Variants in DCC observed in about 807,000 individuals in gnomAD.
DCC encodes DCC netrin 1 receptor.
A neutral mutation model predicts 172.5 loss-of-function variants in DCC; 58 were observed. The observed-to-expected ratio is 0.34, with a 90% CI of 0.27 to 0.42. The LOEUF (loss-of-function observed/expected upper bound fraction) is 0.42. Among genes scored for constraint, DCC ranks in the 10% least tolerant of loss-of-function variants. The pLI is 1.00. For synonymous variants in DCC, 709 were observed against 644.5 expected (o/e 1.10, Z -1.52); for missense variants, 1,740 against 1,791.0 (o/e 0.97, Z 0.51).
At chr18:53,126,371 A>G (rs2043557352) in intron 7 of DCC, among the ~76,000 whole-genome samples, 1 of 152,150 alleles carries the variant, frequency 6.6e-6, no homozygotes, top group African/African-American at 2.4e-5. Flanking sequence ...CTGGAGTGAG[A>G]TAGTCCACAG....
rs960367495 is a variant in DCC, at chr18:53,531,632, T to C, written c.*979T>C. On this transcript the variant is annotated 3_prime_UTR_variant, in exon 29 of 29. Transcript: ENST00000442544. ...GAAATGGCCAGCTCCACATGTCATA[T>C]GGTGCACTGGCCAATGTCGCCTGTC... is the stretch of plus-strand genomic sequence containing the variant. 4 of 152,240 alleles carry C rather than the reference T, an allele frequency of 2.6e-5. No individual in the cohort carries two copies. Among genetic ancestry groups the C allele is most frequent in the African/African-American group, 9.7e-5 (4 of 41,446 alleles). 9.4% of individuals were successfully genotyped at this position (152,240 alleles called of 1,614,324 possible). A position where few individuals can be genotyped will look rare whatever the true frequency, so the allele number is the denominator to read the frequency against.
intron 2 of DCC, among the ~76,000 whole-genome samples, chr18:52,767,907 T>A (rs2037280172): frequency 6.6e-6 from 1 of 152,208 alleles, no homozygotes; most frequent in African/African-American, 2.4e-5. Flanking sequence ...CCAGTAAGCA[T>A]GTTAGCACTT....
intron 15 of DCC, among the ~76,000 whole-genome samples, chr18:53,368,326 T>C (rs1390391688): frequency 6.6e-6 from 1 of 152,168 alleles, no homozygotes; most frequent in Non-Finnish European, 1.5e-5. Context: ...CTATGTATTG[T>C]GCATATTAAT....
At chr18:53,190,863 G>A (rs1436506457) in intron 9 of DCC, among the ~76,000 whole-genome samples, 18 of 152,100 alleles carry the variant, frequency 1.2e-4, no homozygotes, top group African/African-American at 2.9e-4. Flanking sequence ...GGAGAATGGC[G>A]TGAACCTGGG....
intron 5 of DCC, among the ~76,000 whole-genome samples, chr18:52,998,248 T>C (rs1014451329): frequency 6.6e-6 from 1 of 152,052 alleles, no homozygotes; most frequent in African/African-American, 2.4e-5. Context: ...AATTGTGCTA[T>C]AGTGAGATCC....
intron 15 of DCC, among the ~76,000 whole-genome samples, chr18:53,348,102 T>C (rs1369357399): frequency 6.6e-6 from 1 of 152,094 alleles, no homozygotes; most frequent in Non-Finnish European, 1.5e-5. Flanking sequence ...AACTCAAAAG[T>C]CCACAGTCCA....
At chr18:53,043,361 T>C (rs1160442777) in intron 5 of DCC, among the ~76,000 whole-genome samples, 2 of 151,856 alleles carry the variant, frequency 1.3e-5, no homozygotes, top group East Asian at 3.9e-4. Context: ...ATACCTAATG[T>C]AGATGACATG....
At position 52,659,990 on chromosome 18, in the gene DCC, A is replaced by G. The variant is rs578183029; in HGVS notation, c.92-92064A>G. Among the ~76,000 whole-genome samples the G allele has an allele frequency of 6.9e-4, 105 of 152,264 alleles. 1 individual carries two copies. In the Middle Eastern group the frequency reaches 0.024, roughly 35 times the overall value. On this transcript the variant is annotated intron_variant, in intron 1 of 28. Transcript: ENST00000442544. Reference sequence around the variant, plus strand: ...TTAAGTGATTTACCTGAATCTAACCATTTCAGATTTTATGAGAGCTTGAAA... The same window carrying G: ...TTAAGTGATTTACCTGAATCTAACCGTTTCAGATTTTATGAGAGCTTGAAA...
At chr18:53,431,499 T>C (rs1230122375) in intron 21 of DCC, among the ~76,000 whole-genome samples, 1 of 152,040 alleles carries the variant, frequency 6.6e-6, no homozygotes, top group African/African-American at 2.4e-5. Flanking sequence ...GTTGTTGTTT[T>C]TTTACTGAGC....
chr18:52,905,512 C>T (rs1243719527), intron 2 of DCC, among the ~76,000 whole-genome samples: 2 of 152,126 alleles, frequency 1.3e-5, no homozygotes, highest in East Asian at 1.9e-4. Flanking sequence ...AAAGACAATC[C>T]TTTGTTACTA....
Position 52,719,060 on chromosome 18 carries a change from G to A in DCC, c.92-32994G>A, listed in dbSNP as rs936139151. ...TCCTGATGGCCCCAGCCACCCTTAG[G>A]ACTCCTTGGCTTGTAGCTGCATCAC... On this transcript the variant is annotated intron_variant, in intron 1 of 28. Transcript: ENST00000442544. Among the ~76,000 whole-genome samples, 16 of 151,984 alleles carry A rather than the reference G, an allele frequency of 1.1e-4. 1 individual carries two copies. The highest frequency in any genetic ancestry group is 3.9e-4 in the African/African-American group (16 of 41,408).
chr18:53,174,092 C>A (rs755463697), intron 8 of DCC, among the ~76,000 whole-genome samples: 2,070 of 132,380 alleles, frequency 0.016, 28 homozygotes, highest in Non-Finnish European at 0.023. Flanking sequence ...GGGTACATAA[C>A]GAAATGAAGG....
intron 1 of DCC, among the ~76,000 whole-genome samples, chr18:52,473,542 G>A (rs903001942): frequency 1.3e-5 from 2 of 152,194 alleles, no homozygotes; most frequent in Non-Finnish European, 2.9e-5. Flanking sequence ...TACAATCATA[G>A]TGGAAGGGGA....
intron 8 of DCC, 46 bp downstream of exon 8, chr18:53,157,558 T>A (rs374617278): frequency 6.2e-7 from 1 of 1,601,434 alleles, no homozygotes; most frequent in East Asian, 2.2e-5. Flanking sequence ...GTCATCTCTT[T>A]AAGTCAATAC....
intron 2 of DCC, among the ~76,000 whole-genome samples, chr18:52,816,241 A>T (rs2038294873): frequency 6.6e-6 from 1 of 152,222 alleles, no homozygotes. Context: ...AGCCATTGTC[A>T]TGCAGGAAAA....
At chr18:53,355,669 G>A (rs1219710287) in intron 15 of DCC, among the ~76,000 whole-genome samples, 1 of 152,092 alleles carries the variant, frequency 6.6e-6, no homozygotes, top group African/African-American at 2.4e-5. Context: ...GGAGATTTGG[G>A]GCTGAGACAA....
intron 12 of DCC, among the ~76,000 whole-genome samples, chr18:53,267,524 G>T (rs747457077): frequency 5.3e-5 from 8 of 151,920 alleles, no homozygotes; most frequent in Non-Finnish European, 1.0e-4. Flanking sequence ...CTGTCACCCA[G>T]GGTAGAATGC....
chr18:52,633,854 C>T (rs2034722274), intron 1 of DCC, among the ~76,000 whole-genome samples: 1 of 152,216 alleles, frequency 6.6e-6, no homozygotes, highest in African/African-American at 2.4e-5. Context: ...CACTAGGTAA[C>T]ACCAAACTGA....
intron 1 of DCC, among the ~76,000 whole-genome samples, chr18:52,687,363 C>T (rs150498708): frequency 1.3e-5 from 2 of 148,922 alleles, no homozygotes; most frequent in African/African-American, 5.0e-5. Context: ...CAGCTCACTG[C>T]AACCTCCACT....
Sources: gnomAD v4.1 joint callset for allele counts (sites outside exome capture counted in the v4.1 genomes callset) on GRCh38, gnomAD v4.1.1 for gene constraint, MANE v1.5 for transcripts, NCBI Gene and HGNC (gene_info 2026-07-23, HGNC 2026-07-21) for gene names.